The following WIPF2 variants were observed in gnomAD, a reference collection of about 807,000 sequenced individuals.
WIPF2 encodes WAS/WASL interacting protein family member 2.
A neutral mutation model predicts 38.8 loss-of-function variants in WIPF2; 23 were observed. The ratio of observed to expected loss-of-function variants is 0.59; its 90% CI spans 0.43 to 0.84. The LOEUF (loss-of-function observed/expected upper bound fraction) is 0.84. Among genes scored for constraint, WIPF2 ranks in the 40% least tolerant of loss-of-function variants. The pLI is 0.00. For synonymous variants in WIPF2, 210 were observed against 223.2 expected (o/e 0.94, Z 0.53); for missense variants, 574 against 580.5 (o/e 0.99, Z 0.11).
intron 1 of WIPF2, among the ~76,000 whole-genome samples, chr17:40,223,460 A>C (rs1281623087): frequency 1.3e-5 from 2 of 152,008 alleles, no homozygotes; most frequent in Non-Finnish European, 2.9e-5. Flanking sequence ...AGAGGTGTGA[A>C]CATTGGAGTT....
chr17:40,235,287 T>A (rs773426424), intron 1 of WIPF2, among the ~76,000 whole-genome samples: 2 of 152,136 alleles, frequency 1.3e-5, no homozygotes, highest in Non-Finnish European at 2.9e-5. Flanking sequence ...TCCAGATGAA[T>A]CCAGAAGGAA....
chr17:40,260,781 G>GT (rs1453527986), intron 3 of WIPF2, 114 bp downstream of exon 3: 1 of 1,384,984 alleles, frequency 7.2e-7, no homozygotes, highest in Non-Finnish European at 1.0e-6. Flanking sequence ...GTCCTGGGAT[G>GT]TGCTTTGGCT....
chr17:40,274,517 A>C (rs1292706600), intron 6 of WIPF2, among the ~76,000 whole-genome samples: 6 of 137,600 alleles, frequency 4.4e-5, no homozygotes, highest in Non-Finnish European at 9.2e-5. Flanking sequence ...CTGGGATTAC[A>C]CATGTGAGCC....
chr17:40,263,628 C>T (rs1042040566), intron 4 of WIPF2, among the ~76,000 whole-genome samples: 5 of 147,532 alleles, frequency 3.4e-5, no homozygotes, highest in East Asian at 2.0e-4. Context: ...CTGCAACTTC[C>T]GCCTCCTGGG....
chr17:40,225,731 C>T (rs1359211528), intron 1 of WIPF2, among the ~76,000 whole-genome samples: 1 of 152,058 alleles, frequency 6.6e-6, no homozygotes, highest in East Asian at 1.9e-4. Context: ...TGATCTGTAG[C>T]CTCGACCTCC....
At chr17:40,269,952 C>A (rs1424697132) in intron 5 of WIPF2, among the ~76,000 whole-genome samples, 9 of 151,934 alleles carry the variant, frequency 5.9e-5, no homozygotes. Flanking sequence ...AACCATCATA[C>A]TTTTCTCAAA....
rs764911267 is a variant in WIPF2, at chr17:40,264,587, TACAGAC to T, written c.413_418del (p.Thr138_Asp139del). ...CCGCCAGCGGGCGTCCTCAGGATGA[TACAGAC>T]AGCAGCCGGGCCTCACTCCCAGAAC... On this transcript the variant is annotated inframe_deletion, in exon 5 of 8. Coordinates refer to ENST00000323571, the MANE Select transcript of WIPF2 (RefSeq NM_133264.5). The T allele has an allele frequency of 6.2e-7, 1 of 1,614,080 alleles. No individual in the cohort carries two copies. The highest frequency in any genetic ancestry group is 8.5e-7 in the Non-Finnish European group (1 of 1,180,012).
intron 5 of WIPF2, among the ~76,000 whole-genome samples, chr17:40,269,322 A>AAAATAAAT (rs894045687): frequency 7.9e-5 from 12 of 151,838 alleles, no homozygotes; most frequent in Non-Finnish European, 2.9e-5. Context: ...TCTGTCTCAA[A>AAAATAAAT]AAATAAATAA....
At position 40,256,447 on chromosome 17, in the gene WIPF2, G is replaced by A. The variant is rs769974704; in HGVS notation, c.-13G>A. 1 of 1,607,160 alleles carries A rather than the reference G, an allele frequency of 6.2e-7. No individual in the cohort carries two copies. Among genetic ancestry groups the A allele is most frequent in the Non-Finnish European group, 8.5e-7 (1 of 1,177,584 alleles). On this transcript the variant is annotated 5_prime_UTR_variant, in exon 2 of 8. Coordinates refer to ENST00000323571, the MANE Select transcript of WIPF2 (RefSeq NM_133264.5). ...ACGGAGAGAGAACAGTGCCAACTGGGAGCAGGGCAAGAATGCCAATTCCTC... is the reference window on the plus strand; with the variant it reads ...ACGGAGAGAGAACAGTGCCAACTGGAAGCAGGGCAAGAATGCCAATTCCTC...
At chr17:40,265,440 A>T (rs545466951) in intron 5 of WIPF2, among the ~76,000 whole-genome samples, 1 of 152,304 alleles carries the variant, frequency 6.6e-6, no homozygotes, top group East Asian at 1.9e-4. Flanking sequence ...TGATATCTTT[A>T]ATTGGAGGAG....
At chr17:40,224,721 A>G (rs1459874736) in intron 1 of WIPF2, among the ~76,000 whole-genome samples, 1 of 151,756 alleles carries the variant, frequency 6.6e-6, no homozygotes, top group Admixed American at 6.6e-5. Context: ...AATTGAAAGG[A>G]TTCTTCACTG....
chr17:40,232,179 A>ATTTTTTTTTTTTTTTTTTTT (rs752876006), intron 1 of WIPF2, among the ~76,000 whole-genome samples: 10 of 76,052 alleles, frequency 1.3e-4, no homozygotes, highest in East Asian at 4.7e-4. Flanking sequence ...TGCCTGGCTA[A>ATTTTTTTTTTTTTTTTTTTT]TTTTTTTTTT....
intron 5 of WIPF2, among the ~76,000 whole-genome samples, chr17:40,267,119 A>G (rs955315284): frequency 1.3e-5 from 2 of 152,152 alleles, no homozygotes; most frequent in East Asian, 1.9e-4. Flanking sequence ...CAGATAGGCA[A>G]CCACGCGAAG....
chr17:40,271,152 T>G (rs58822685), intron 5 of WIPF2, among the ~76,000 whole-genome samples: 1 of 151,984 alleles, frequency 6.6e-6, no homozygotes, highest in African/African-American at 2.4e-5. Context: ...TGTACTTTTT[T>G]AAAATTTGAG....
In WIPF2 at chr17:40,265,045, C is replaced by T; in HGVS notation, c.869C>T (p.Pro290Leu). Residue 290 changes from proline (P) to leucine (L), a missense_variant, in exon 5 of 8, where the codon CCT becomes CTT. By Grantham distance (98) the Pro-to-Leu change is moderately conservative (BLOSUM62 -3). Transcript: ENST00000323571. ...HNSLHRKTPG[P>L]VRGLAPPPPT... is the part of the protein sequence containing the mutation. The stretch of plus-strand genomic sequence containing the variant: ...TCTTTGCATAGGAAGACACCAGGGC[C>T]TGTCAGAGGCCTAGCACCTCCTCCA... 1 of 1,614,114 alleles carries T rather than the reference C, an allele frequency of 6.2e-7. No homozygotes were observed. The highest frequency in any genetic ancestry group is 8.5e-7 in the Non-Finnish European group (1 of 1,180,030).
chr17:40,222,654 G>GTTTTTTTTTTTT (rs58758484), intron 1 of WIPF2, among the ~76,000 whole-genome samples: 1 of 52,820 alleles, frequency 1.9e-5, no homozygotes, highest in Non-Finnish European at 3.6e-5. Context: ...TGCATATTCA[G>GTTTTTTTTTTTT]TTTTTTTTTT....
chr17:40,272,145 G>A (rs1201019916), intron 5 of WIPF2, among the ~76,000 whole-genome samples: 1 of 151,542 alleles, frequency 6.6e-6, no homozygotes, highest in East Asian at 1.9e-4. Context: ...TCAGCCTTCC[G>A]AGTAGCTGGG....
chr17:40,280,982 G>A lies in WIPF2; in HGVS notation c.*2757G>A, dbSNP rs1186519116. 1 of 152,612 alleles carries A rather than the reference G, an allele frequency of 6.6e-6. No individual in the cohort carries two copies. Among genetic ancestry groups the A allele is most frequent in the Non-Finnish European group, 1.5e-5 (1 of 68,040 alleles). 9.5% of individuals were successfully genotyped at this position (152,612 alleles called of 1,614,324 possible). On this transcript the variant is annotated 3_prime_UTR_variant, in exon 8 of 8. Transcript: ENST00000323571. ...ACTATGTATATTTACTATTGAAGAT[G>A]GGAATGTGATCTGCATAGTTATCAG...
At chr17:40,253,175 G>T (rs2031613420) in intron 1 of WIPF2, among the ~76,000 whole-genome samples, 1 of 151,202 alleles carries the variant, frequency 6.6e-6, no homozygotes, top group Admixed American at 6.6e-5. Flanking sequence ...CCATTCTCCT[G>T]CCTCAGGCTC....
Sources: gnomAD v4.1 joint callset for allele counts (sites outside exome capture counted in the v4.1 genomes callset) on GRCh38, gnomAD v4.1.1 for gene constraint, MANE v1.5 for transcripts, NCBI Gene and HGNC (gene_info 2026-07-23, HGNC 2026-07-21) for gene names.